SLC71A1: variants seen among roughly 807,000 people sequenced by gnomAD.
SLC71A1 encodes the protein solute carrier family 71 member 1, also known as hippocampus abundant gene transcript 1.
chr1:100,043,105 G>A, the SLC71A1 span: 7 of 985,046 alleles, frequency 7.1e-6, no homozygotes, highest in Non-Finnish European at 8.4e-6. Context: ...TCCTCATGTA[G>A]TTAGAAGACT....
At chr1:100,040,935 A>G in the SLC71A1 span, among the ~76,000 whole-genome samples, 292 of 152,272 alleles carry the variant, frequency 1.9e-3, 1 homozygote, top group African/African-American at 6.2e-3. Context: ...CTGAGGCTCT[A>G]TGGTCGGTAC....
the SLC71A1 span, among the ~76,000 whole-genome samples, chr1:100,072,229 T>C: frequency 3.2e-3 from 485 of 152,320 alleles, 2 homozygotes; most frequent in Middle Eastern, 6.8e-3. Flanking sequence ...GACCAGTGTA[T>C]TTCTCCCTCC....
chr1:100,077,376 A>T, the SLC71A1 span: 1 of 657,442 alleles, frequency 1.5e-6, no homozygotes. Flanking sequence ...AATCTGTCTC[A>T]TACTATGCTT....
chr1:100,064,504 G>A, the SLC71A1 span, among the ~76,000 whole-genome samples: 17 of 152,082 alleles, frequency 1.1e-4, no homozygotes, highest in Admixed American at 1.0e-3. Context: ...AGCCCAAAAT[G>A]TTCCCTCAGC....
the SLC71A1 span, among the ~76,000 whole-genome samples, chr1:100,051,363 C>T: frequency 6.6e-6 from 1 of 151,834 alleles, no homozygotes; most frequent in Admixed American, 6.6e-5. Flanking sequence ...TACCCTCCAG[C>T]CTGGATACAG....
At chr1:100,058,634 A>G in the SLC71A1 span, 10 of 1,107,822 alleles carry the variant, frequency 9.0e-6, no homozygotes, top group Middle Eastern at 2.0e-4. Context: ...GAAATATAGC[A>G]TGTGATTTTT....
the SLC71A1 span, among the ~76,000 whole-genome samples, chr1:100,048,423 G>C: frequency 6.6e-6 from 1 of 152,000 alleles, no homozygotes; most frequent in Non-Finnish European, 1.5e-5. Context: ...CAAGTGATCT[G>C]CCCACCTTGG....
chr1:100,076,221 A>G, the SLC71A1 span, among the ~76,000 whole-genome samples: 1 of 152,252 alleles, frequency 6.6e-6, no homozygotes, highest in Non-Finnish European at 1.5e-5. Flanking sequence ...CTCAATTTAA[A>G]GAATTCAAAA....
At chr1:100,042,641 C>T in the SLC71A1 span, among the ~76,000 whole-genome samples, 2 of 150,158 alleles carry the variant, frequency 1.3e-5, no homozygotes, top group Non-Finnish European at 3.0e-5. Flanking sequence ...GAGTTTTGCT[C>T]TTGTTGCTCA....
the SLC71A1 span, among the ~76,000 whole-genome samples, chr1:100,074,826 G>T: frequency 6.6e-6 from 1 of 152,134 alleles, no homozygotes; most frequent in Non-Finnish European, 1.5e-5. Context: ...AGTGAGCCAA[G>T]ATTGTGACAC....
the SLC71A1 span, among the ~76,000 whole-genome samples, chr1:100,048,091 C>T: frequency 1.3e-5 from 2 of 151,934 alleles, no homozygotes; most frequent in Non-Finnish European, 2.9e-5. Flanking sequence ...TGCTTTAAGC[C>T]CTGAGAAGTT....
At chr1:100,059,144 G>GTGTTTTTTTTTTTTTTTTTTTTTTTT in the SLC71A1 span, among the ~76,000 whole-genome samples, 1 of 75,416 alleles carries the variant, frequency 1.3e-5, no homozygotes, top group Non-Finnish European at 2.5e-5. Flanking sequence ...TCTTTTTCGT[G>GTGTTTTTTTTTTTTTTTTTTTTTTTT]TTTTTTTTTT....
chr1:100,073,521 C>G, the SLC71A1 span, among the ~76,000 whole-genome samples: 123 of 152,296 alleles, frequency 8.1e-4, no homozygotes, highest in African/African-American at 2.7e-3. Context: ...TTAGTGAGCT[C>G]TCACTTCAAA....
the SLC71A1 span, among the ~76,000 whole-genome samples, chr1:100,078,273 C>G: frequency 6.6e-6 from 1 of 152,230 alleles, no homozygotes; most frequent in African/African-American, 2.4e-5. Flanking sequence ...AATTAAGTTG[C>G]TGTCTTTGTA....
chr1:100,038,816 T>G, the SLC71A1 span, among the ~76,000 whole-genome samples: 2 of 152,240 alleles, frequency 1.3e-5, no homozygotes, highest in Non-Finnish European at 2.9e-5. Context: ...ACGTTCGCTT[T>G]CTGTTTCCAC....
At chr1:100,068,216 T>C in the SLC71A1 span, 6 of 1,583,558 alleles carry the variant, frequency 3.8e-6, no homozygotes. Context: ...ACTTTTTCCT[T>C]CTCCTTGATA....
chr1:100,076,616 G>A, the SLC71A1 span, among the ~76,000 whole-genome samples: 1 of 152,132 alleles, frequency 6.6e-6, no homozygotes, highest in Non-Finnish European at 1.5e-5. Context: ...GCCACACAAA[G>A]CCAAGATTAT....
chr1:100,078,592 T>C, the SLC71A1 span: 1 of 1,339,964 alleles, frequency 7.5e-7, no homozygotes, highest in Non-Finnish European at 1.1e-6. Flanking sequence ...AAGTACAGAA[T>C]GTTCTAATCC....
chr1:100,058,630 T>C, the SLC71A1 span: 3 of 1,074,732 alleles, frequency 2.8e-6, no homozygotes, highest in Non-Finnish European at 4.3e-6. Flanking sequence ...GACTGAAATA[T>C]AGCATGTGAT....
Sources: allele counts gnomAD v4.1 joint callset (sites outside exome capture counted in the v4.1 genomes callset), GRCh38; gene constraint gnomAD v4.1.1; transcripts MANE v1.5; gene names NCBI Gene and HGNC (gene_info 2026-07-23, HGNC 2026-07-21).